FANCI: variants seen among roughly 807,000 people sequenced by gnomAD.
The protein encoded by FANCI is Fanconi anemia group I protein.
In FANCI, 156 loss-of-function variants were observed where a neutral mutation model predicts 176.1. The observed-to-expected ratio is 0.89, with a 90% CI of 0.78 to 1.01. The LOEUF (loss-of-function observed/expected upper bound fraction) is 1.01. FANCI is among the 50% of genes least tolerant of loss of function. The pLI is 0.00. For synonymous variants in FANCI, 613 were observed against 541.7 expected (o/e 1.13, Z -1.83); for missense variants, 1,678 against 1,534.1 (o/e 1.09, Z -1.57).
rs567157829 is a variant in FANCI at position 89,306,121 on chromosome 15, C to G, written c.3464C>G (p.Ser1155Ter). 2 of 1,614,164 alleles carry G rather than the reference C, an allele frequency of 1.2e-6. No individual in the cohort carries two copies. Among genetic ancestry groups the G allele is most frequent in the African/African-American group, 1.3e-5 (1 of 75,032 alleles). ...GAGCTGGTGCAGACAGCTCTGCCAT[C>G]AGGCAGCTGTGTGGACACCTTGTTA... ...FHELVQTALP[S>*]GSCVDTLLKD... is the part of the protein sequence containing the mutation. The change falls in exon 32 of 38, where the codon TCA becomes TGA. Residue 1155 changes from serine to a stop codon, truncating the protein, a stop_gained. Transcript: ENST00000310775. LOFTEE classifies it high-confidence loss of function.
Position 89,290,291 on chromosome 15 carries a change from A to G in FANCI, c.1890+10A>G, listed in dbSNP as rs201954421. ...AACTCTGCTCTCACAGGTAAAATACATTTTTATGGATATATGGAAAACAGA... is the reference window on the plus strand; with the variant it reads ...AACTCTGCTCTCACAGGTAAAATACGTTTTTATGGATATATGGAAAACAGA... On this transcript the variant is annotated intron_variant, in intron 19 of 37. Coordinates refer to ENST00000310775, the MANE Select transcript of FANCI (RefSeq NM_001113378.2). 16 of 1,600,992 alleles carry G rather than the reference A, an allele frequency of 1.0e-5. No individual in the cohort carries two copies. In the East Asian group the frequency reaches 3.1e-4, roughly 31 times the overall value.
chr15:89,251,927 A>G (rs758084012), intron 2 of FANCI, among the ~76,000 whole-genome samples: 26 of 152,228 alleles, frequency 1.7e-4, no homozygotes, highest in African/African-American at 7.2e-5. Flanking sequence ...AATGATGCCT[A>G]CTGTCTCCAT....
chr15:89,297,589 T>C (rs1254616308), intron 24 of FANCI, among the ~76,000 whole-genome samples: 1 of 151,920 alleles, frequency 6.6e-6, no homozygotes, highest in Non-Finnish European at 1.5e-5. Context: ...CGAAACCCCG[T>C]CTCCATCAAA....
chr15:89,291,576 A>G (rs367918817), intron 19 of FANCI, 37 bp from the exon 20 acceptor site: 288 of 1,543,932 alleles, frequency 1.9e-4, no homozygotes, highest in Non-Finnish European at 2.5e-4. Flanking sequence ...AAAAGCATTT[A>G]TGAGCCAAGA....
chr15:89,265,824 AT>A (rs1273671099), intron 9 of FANCI, among the ~76,000 whole-genome samples: 1 of 151,766 alleles, frequency 6.6e-6, no homozygotes, highest in Non-Finnish European at 1.5e-5. Flanking sequence ...GCCTGGCCGG[AT>A]TTTTTGTTTT....
chr15:89,300,274 G>T, intron 25 of FANCI, 26 bp from the exon 26 acceptor site: 1 of 1,602,574 alleles, frequency 6.2e-7, no homozygotes, highest in South Asian at 1.1e-5. Flanking sequence ...TATCAAAGAA[G>T]ACAAGAGTTT....
chr15:89,304,964 C>T lies in FANCI; in HGVS notation c.3059-151C>T, dbSNP rs764905155. The T allele has an allele frequency of 2.1e-5, 16 of 770,676 alleles. 1 individual carries two copies. The highest frequency in any genetic ancestry group is 8.4e-5 in the South Asian group (6 of 71,818). 47.7% of individuals were successfully genotyped at this position (770,676 alleles called of 1,614,324 possible). A position where few individuals can be genotyped will look rare whatever the true frequency, so the allele number is the denominator to read the frequency against. On this transcript the variant is annotated intron_variant, in intron 28 of 37. Transcript: ENST00000310775. ...GCTAATTTTATATTTTTAGTAGAGA[C>T]GGGGTTTCTCCATGTTGGTGAGGCT... is the stretch of plus-strand genomic sequence containing the variant.
chr15:89,279,441 A>C (rs2151521992), intron 14 of FANCI, among the ~76,000 whole-genome samples: 1 of 152,352 alleles, frequency 6.6e-6, no homozygotes, highest in East Asian at 1.9e-4. Context: ...TACAGGCGTG[A>C]GCCACCATGC....
intron 3 of FANCI, 30 bp from the exon 4 acceptor site, chr15:89,260,683 G>T: frequency 6.2e-7 from 1 of 1,610,768 alleles, no homozygotes; most frequent in Non-Finnish European, 8.5e-7. Flanking sequence ...TGTAAGACTT[G>T]TTTCTGAACC....
Position 89,263,958 on chromosome 15 carries a change from A to T in FANCI, c.601A>T (p.Met201Leu). The change falls in exon 8 of 38, where the codon ATG becomes TTG. Residue 201 changes from methionine to leucine, a missense_variant. Physicochemically the swap from Met to Leu is conservative, Grantham distance 15 (BLOSUM62 2). Coordinates refer to ENST00000310775, the MANE Select transcript of FANCI (RefSeq NM_001113378.2). ...ATTTGTGGTGGAAAAAGCATTGAGC[A>T]TGTTCTCCAAGATGAATCTTCAAGA... is the stretch of plus-strand genomic sequence containing the variant. The part of the protein sequence containing the change: ...VEFVVEKALS[M>L]FSKMNLQEIP... The T allele has an allele frequency of 6.2e-7, 1 of 1,614,104 alleles. No homozygotes were observed. Among genetic ancestry groups the T allele is most frequent in the Non-Finnish European group, 8.5e-7 (1 of 1,179,950 alleles).
chr15:89,284,879 GTTAA>G (rs1409173006), intron 17 of FANCI, among the ~76,000 whole-genome samples: 2 of 152,308 alleles, frequency 1.3e-5, no homozygotes, highest in East Asian at 3.9e-4. Flanking sequence ...AATATGAACA[GTTAA>G]TTTTGTTAAA....
chr15:89,276,798 T>C lies in FANCI; in HGVS notation c.1200T>C (p.Asp400=), dbSNP rs763959132. ...CATATGGGCCAAAGAAGGTTCTTGA[T>C]GGAAAAACTATTGAAACCAGCCCAA... is the stretch of plus-strand genomic sequence containing the variant. ...MDSYGPKKVL[D]GKTIETSPSL... The change falls in exon 13 of 38, where the codon GAT becomes GAC. Residue 400 remains aspartate (D), a synonymous_variant. Coordinates refer to ENST00000310775, the MANE Select transcript of FANCI (RefSeq NM_001113378.2). 2.2e-5 allele frequency: 35 copies of C among 1,614,078 alleles called. No homozygotes were observed. The East Asian group carries it at 5.3e-4, about 25-fold the overall frequency.
chr15:89,300,903 T>C (rs2054502484), intron 26 of FANCI, among the ~76,000 whole-genome samples: 1 of 152,238 alleles, frequency 6.6e-6, no homozygotes, highest in Admixed American at 6.5e-5. Context: ...CCTATCCTTA[T>C]GGAGCTTACA....
chr15:89,285,695 A>G (rs2053788265), intron 18 of FANCI, among the ~76,000 whole-genome samples: 1 of 151,978 alleles, frequency 6.6e-6, no homozygotes, highest in African/African-American at 2.4e-5. Context: ...TGAAATATTT[A>G]AATATACTAT....
In FANCI at chr15:89,289,573, T is replaced by C. The variant is rs146994387; in HGVS notation, c.1822-640T>C. On this transcript the variant is annotated intron_variant, in intron 18 of 37. Transcript: ENST00000310775. ...CTCCTGCCTTGGCCTTCCAAAGTGC[T>C]GGGATTACAGGCATGAGCCACCGTG... Among the ~76,000 whole-genome samples, 403 of 152,292 alleles carry C rather than the reference T, an allele frequency of 2.6e-3. 8 individuals are homozygous for C. The highest frequency in any genetic ancestry group is 0.015 in the East Asian group (76 of 5,178).
At chr15:89,280,958 T>C (rs945847579) in intron 14 of FANCI, among the ~76,000 whole-genome samples, 1 of 152,202 alleles carries the variant, frequency 6.6e-6, no homozygotes, top group African/African-American at 2.4e-5. Context: ...TTAATTTTTA[T>C]AGAAATTGAA....
At chr15:89,253,189 A>T (rs929242588) in intron 2 of FANCI, among the ~76,000 whole-genome samples, 1 of 152,256 alleles carries the variant, frequency 6.6e-6, no homozygotes, top group African/African-American at 2.4e-5. Context: ...AATCTAGTAT[A>T]TAATAAAATT....
At chr15:89,254,681 C>T (rs1010239894) in intron 2 of FANCI, among the ~76,000 whole-genome samples, 3 of 152,152 alleles carry the variant, frequency 2.0e-5, no homozygotes, top group African/African-American at 7.2e-5. Context: ...TATCAGCACA[C>T]GCTTGTATTC....
intron 2 of FANCI, among the ~76,000 whole-genome samples, chr15:89,255,911 C>T (rs2052473965): frequency 1.3e-5 from 2 of 152,162 alleles, no homozygotes; most frequent in African/African-American, 4.8e-5. Context: ...GAGTACTTGT[C>T]GTGTGTTAGG....
Sources: allele counts gnomAD v4.1 joint callset (sites outside exome capture counted in the v4.1 genomes callset), GRCh38; gene constraint gnomAD v4.1.1; transcripts MANE v1.5; gene names NCBI Gene and HGNC (gene_info 2026-07-23, HGNC 2026-07-21).